USP24: variants seen among roughly 807,000 people sequenced by gnomAD.
The protein encoded by USP24 is ubiquitin carboxyl-terminal hydrolase 24.
In USP24, 97 loss-of-function variants were observed where a neutral mutation model predicts 361.6. The ratio of observed to expected loss-of-function variants is 0.27; its 90% CI spans 0.23 to 0.32. The LOEUF is 0.32. Among genes scored for constraint, USP24 ranks in the 10% least tolerant of loss-of-function variants. USP24 has a pLI of 1.00. For synonymous variants in USP24, 1,098 were observed against 1,124.6 expected (o/e 0.98, Z 0.47); for missense variants, 2,353 against 3,165.6 (o/e 0.74, Z 6.16).
At chr1:55,178,242 C>T in intron 1 of USP24, 110 bp from the exon 2 acceptor site, 12 of 1,057,464 alleles carry the variant, frequency 1.1e-5, no homozygotes, top group Non-Finnish European at 1.5e-5. Context: ...CTATTAATAC[C>T]AATAGCATGG....
intron 3 of USP24, 95 bp from the exon 4 acceptor site, chr1:55,172,615 G>A (rs1035063442): frequency 4.1e-5 from 55 of 1,332,142 alleles, no homozygotes; most frequent in Middle Eastern, 1.9e-4. Flanking sequence ...GAGAGATTAT[G>A]ATGAAAATAC....
intron 56 of USP24, among the ~76,000 whole-genome samples, chr1:55,084,875 C>T (rs534881944): frequency 2.6e-5 from 4 of 152,282 alleles, no homozygotes; most frequent in East Asian, 3.9e-4. Context: ...TAATATGCTA[C>T]GGCCTGACCC....
At chr1:55,186,320 CTGA>C (rs1644129660) in intron 1 of USP24, among the ~76,000 whole-genome samples, 3 of 152,232 alleles carry the variant, frequency 2.0e-5, no homozygotes, top group South Asian at 4.1e-4. Context: ...TTGTACACTG[CTGA>C]TAAGAGTATA....
chr1:55,101,233 C>T lies in USP24; in HGVS notation c.5146-269G>A, dbSNP rs78101392. Among the ~76,000 whole-genome samples, 676 of 152,342 alleles carry T rather than the reference C, an allele frequency of 4.4e-3. 2 individuals carry two copies. The highest frequency in any genetic ancestry group is 0.016 in the African/African-American group (654 of 41,582). ...AGCGTAGCCCAGTACACATGGAATA[C>T]TCTCAAAACCACTGACCATATTATT... On this transcript the variant is annotated intron_variant, in intron 43 of 67. Coordinates refer to ENST00000294383, the MANE Select transcript of USP24 (RefSeq NM_015306.3).
Position 55,071,858 on chromosome 1 carries a change from C to T in USP24, c.7756G>A (p.Glu2586Lys), listed in dbSNP as rs1196265338. 6.2e-7 allele frequency: 1 copy of T among 1,613,496 alleles called. No individual in the cohort carries two copies. Among genetic ancestry groups the T allele is most frequent in the Non-Finnish European group, 8.5e-7 (1 of 1,179,780 alleles). ...CCGTTCTCATTGGCAGGACTACTCT[C>T]CGACCCATTACTGCTTCCTGATTGC... Reference protein sequence around the residue: ...KEQSGSSNGSESSPANENGDR... With the variant: ...KEQSGSSNGSKSSPANENGDR... Residue 2586 changes from glutamate to lysine, a missense_variant, in exon 67 of 68, where the codon GAG becomes AAG. By Grantham distance (56) the Glu-to-Lys change is moderately conservative. Transcript: ENST00000294383.
chr1:55,146,934 T>C lies in USP24; in HGVS notation c.2245A>G (p.Arg749Gly), dbSNP rs1647044357. 6.2e-7 allele frequency: 1 copy of C among 1,612,266 alleles called. No individual in the cohort carries two copies. Among genetic ancestry groups the C allele is most frequent in the African/African-American group, 1.3e-5 (1 of 74,970 alleles). Residue 749 changes from arginine to glycine, a missense_variant, in exon 19 of 68, where the codon AGA (arginine) becomes GGA (glycine). Arg to Gly is a moderately radical substitution (Grantham distance 125). Transcript: ENST00000294383. Reference protein sequence around the residue: ...VTGQDVCELDREMCFEWFTKG... With the variant: ...VTGQDVCELDGEMCFEWFTKG... ...CCACAATACCACCTTCTTACCTCTC[T>C]ATCTAATTCACAAACATCCTGGCCA...
chr1:55,157,790 T>C (rs1274778822), intron 10 of USP24, among the ~76,000 whole-genome samples: 2 of 147,414 alleles, frequency 1.4e-5, no homozygotes, highest in Non-Finnish European at 3.0e-5. Context: ...TCCAAGATTG[T>C]GCCACTGCAC....
In USP24 at chr1:55,134,174, T is replaced by C; in HGVS notation, c.3288-11A>G. 6.2e-7 allele frequency: 1 copy of C among 1,612,098 alleles called. No homozygotes were observed. On this transcript the variant is annotated splice_polypyrimidine_tract_variant and intron_variant, in intron 29 of 67. Coordinates refer to ENST00000294383, the MANE Select transcript of USP24 (RefSeq NM_015306.3). Reference sequence around the variant, plus strand: ...ACTCGTAGAGTTATCCTGAAGTTTTTCAAATACAAATTTTTTCATATAAGC... The same window carrying C: ...ACTCGTAGAGTTATCCTGAAGTTTTCCAAATACAAATTTTTTCATATAAGC...
Position 55,072,505 on chromosome 1 carries a change from G to A in USP24, c.7603-102C>T, listed in dbSNP as rs1428762207. On this transcript the variant is annotated intron_variant, in intron 65 of 67. Coordinates refer to ENST00000294383, the MANE Select transcript of USP24 (RefSeq NM_015306.3). ...TTGAGTCTTAAAAGCATCCCAAGTA[G>A]GGTACAAGTCTACCCAGACCTTCCA... is the stretch of plus-strand genomic sequence containing the variant. 4 of 978,470 alleles carry A rather than the reference G, an allele frequency of 4.1e-6. No homozygotes were observed. The East Asian group carries it at 1.0e-4, about 25-fold the overall frequency. The allele number at this position is 978,470 out of a possible 1,614,324, so 60.6% of individuals were successfully genotyped here. A position where few individuals can be genotyped will look rare whatever the true frequency, so the allele number is the denominator to read the frequency against.
rs758143409 is a variant in USP24, at chr1:55,172,453, A to G, written c.626T>C (p.Met209Thr). 163 of 1,613,520 alleles carry G rather than the reference A, an allele frequency of 1.0e-4. No individual in the cohort carries two copies. Among genetic ancestry groups the G allele is most frequent in the Non-Finnish European group, 1.3e-4 (154 of 1,179,706 alleles). ...CTCTGCGACCAGTTCTATTAATAGC[A>G]TCAACATGTTGTAAATTCCTTCATG... Reference protein sequence around the residue: ...EIHEGIYNMLMLLIELVAERI... With the variant: ...EIHEGIYNMLTLLIELVAERI... Residue 209 changes from methionine to threonine, a missense_variant, in exon 4 of 68, where the codon ATG becomes ACG. Physicochemically the swap from Met to Thr is moderately conservative, Grantham distance 81 (BLOSUM62 -1). Coordinates refer to ENST00000294383, the MANE Select transcript of USP24 (RefSeq NM_015306.3).
Position 55,135,158 on chromosome 1 carries a change from T to TA in USP24, c.3202-746dup, listed in dbSNP as rs563580048. Among the ~76,000 whole-genome samples the TA allele has an allele frequency of 2.5e-3, 381 of 152,252 alleles. 2 individuals carry two copies. Among genetic ancestry groups the TA allele is most frequent in the African/African-American group, 8.4e-3 (347 of 41,524 alleles). The stretch of plus-strand genomic sequence containing the variant: ...CTTGTTATATATGAAATATAATTTT[T>TA]AAAAAAATTGAGATGGGGGTCTCGC... On this transcript the variant is annotated intron_variant, in intron 28 of 67. Transcript: ENST00000294383.
At chr1:55,095,099 C>A (rs1337657114) in intron 51 of USP24, among the ~76,000 whole-genome samples, 156 bp downstream of exon 51, 1 of 152,182 alleles carries the variant, frequency 6.6e-6, no homozygotes, top group African/African-American at 2.4e-5. Flanking sequence ...AGAAAATAAC[C>A]ATGAAGCAAT....
intron 41 of USP24, 63 bp downstream of exon 41, chr1:55,106,083 T>C: frequency 7.8e-7 from 1 of 1,278,378 alleles, no homozygotes; most frequent in Non-Finnish European, 1.1e-6. Context: ...ACAAAATCTT[T>C]TGGGACTGAA....
At chr1:55,111,181 A>G (rs1645939491) in intron 38 of USP24, among the ~76,000 whole-genome samples, 1 of 151,914 alleles carries the variant, frequency 6.6e-6, no homozygotes, top group Admixed American at 6.6e-5. Flanking sequence ...CATACTACTG[A>G]GGGAAAATAT....
At chr1:55,077,335 G>A in intron 61 of USP24, 35 bp from the exon 62 acceptor site, 3 of 1,521,954 alleles carry the variant, frequency 2.0e-6, no homozygotes, top group Non-Finnish European at 2.7e-6. Context: ...AAACTTCAGT[G>A]GAAAGCATAT....
chr1:55,123,792 T>TG (rs1448448791), intron 35 of USP24, among the ~76,000 whole-genome samples, 190 bp from the exon 36 acceptor site: 55 of 152,232 alleles, frequency 3.6e-4, no homozygotes, highest in African/African-American at 1.2e-3. Context: ...AAAACACATT[T>TG]GCAGGCAATC....
chr1:55,157,849 A>G (rs1162482635), intron 10 of USP24, among the ~76,000 whole-genome samples: 1 of 151,940 alleles, frequency 6.6e-6, no homozygotes, highest in East Asian at 1.9e-4. Flanking sequence ...AAAAAAAAAA[A>G]AAGAACATGG....
rs142154143 is a variant in USP24, at chr1:55,165,879, A to T, written c.927+6T>A. ...CACAGTGAGCATATACAGTAGTTTA[A>T]CTTACCCCAAGTTCTATATCTTCTG... is the stretch of plus-strand genomic sequence containing the variant. On this transcript the variant is annotated splice_donor_region_variant and intron_variant, in intron 7 of 67. Transcript: ENST00000294383. The T allele has an allele frequency of 2.6e-4, 409 of 1,594,584 alleles. 5 individuals carry two copies. In the East Asian group the frequency reaches 5.9e-3, roughly 23 times the overall value.
At chr1:55,091,481 C>A (rs192257785) in intron 54 of USP24, among the ~76,000 whole-genome samples, 7 of 152,300 alleles carry the variant, frequency 4.6e-5, no homozygotes, top group East Asian at 1.9e-4. Context: ...GGACATACTT[C>A]CCTGTTCAAA....
Sources: allele counts gnomAD v4.1 joint callset (sites outside exome capture counted in the v4.1 genomes callset), GRCh38; gene constraint gnomAD v4.1.1; transcripts MANE v1.5; gene names NCBI Gene and HGNC (gene_info 2026-07-23, HGNC 2026-07-21).